Variants in ASIC2 observed in about 807,000 individuals in gnomAD.
ASIC2 encodes the protein acid sensing ion channel subunit 2.
Under a neutral mutation model 57.3 loss-of-function variants are expected in ASIC2, and 25 were observed. That is an observed-to-expected ratio of 0.44 (90% CI 0.32 to 0.61). The LOEUF (loss-of-function observed/expected upper bound fraction) is 0.61, where lower values mean the gene tolerates loss of function less well. Ranked by LOEUF, ASIC2 falls within the 20% of genes least tolerant of loss-of-function variation. The pLI, the probability that ASIC2 is intolerant of heterozygous loss-of-function variation, is 0.06. For missense variants in ASIC2, 641 were observed against 738.1 expected, an observed-to-expected ratio of 0.87 and a Z score of 1.52; for synonymous variants, 319 against 307.5, an observed-to-expected ratio of 1.04 and a Z score of -0.39.
At chr17:33,486,216 C>T (rs184943151) in intron 1 of ASIC2, among the ~76,000 whole-genome samples, 2 of 152,198 alleles carry the variant, frequency 1.3e-5, no homozygotes, top group South Asian at 2.1e-4. Context: ...CTGACACCTA[C>T]GGGTAGTGTT....
chr17:34,029,539 C>T (rs1191725368), intron 1 of ASIC2, among the ~76,000 whole-genome samples: 1 of 152,136 alleles, frequency 6.6e-6, no homozygotes, highest in Non-Finnish European at 1.5e-5. Flanking sequence ...ATGTTGAAGC[C>T]CTAACCCCCA....
At chr17:33,461,013 T>A (rs1912615678) in intron 1 of ASIC2, among the ~76,000 whole-genome samples, 1 of 152,198 alleles carries the variant, frequency 6.6e-6, no homozygotes, top group Non-Finnish European at 1.5e-5. Flanking sequence ...GCCCAGATGA[T>A]AATAGTCTGT....
At chr17:33,226,215 T>C (rs1292622192) in intron 1 of ASIC2, among the ~76,000 whole-genome samples, 4 of 152,186 alleles carry the variant, frequency 2.6e-5, no homozygotes, top group Non-Finnish European at 4.4e-5. Flanking sequence ...TGGTTTGTTA[T>C]TGGTTTTCAG....
intron 1 of ASIC2, among the ~76,000 whole-genome samples, chr17:33,621,509 A>G (rs1267846214): frequency 1.3e-5 from 2 of 152,178 alleles, no homozygotes; most frequent in African/African-American, 4.8e-5. Context: ...GTTCATCCTG[A>G]TAGGTGTATC....
chr17:33,410,433 G>T (rs1450933172), intron 1 of ASIC2, among the ~76,000 whole-genome samples: 1 of 152,154 alleles, frequency 6.6e-6, no homozygotes, highest in Non-Finnish European at 1.5e-5. Flanking sequence ...TCTTTGAATT[G>T]GGAAAAAAAT....
At chr17:34,144,966 C>T (rs73282501) in intron 1 of ASIC2, among the ~76,000 whole-genome samples, 1,870 of 152,294 alleles carry the variant, frequency 0.012, 47 homozygotes, top group African/African-American at 0.042. Context: ...GTCCATAAAC[C>T]TCTCAGTCTC....
rs182829944 is a variant in ASIC2 at position 33,433,985 on chromosome 17, G to A, written c.556-321918C>T. Among the ~76,000 whole-genome samples the A allele has an allele frequency of 1.7e-3, 265 of 152,030 alleles. 1 individual carries two copies. The highest frequency in any genetic ancestry group is 5.8e-3 in the African/African-American group (242 of 41,472). ...GGTAAGAGAAACAGAAGGTAAAAAGGAGAAAATTTTTAAAAATCAAAAAGA... is the reference window on the plus strand; with the variant it reads ...GGTAAGAGAAACAGAAGGTAAAAAGAAGAAAATTTTTAAAAATCAAAAAGA... On this transcript the variant is annotated intron_variant, in intron 1 of 9. Transcript: ENST00000359872.
rs200772052 is a variant in ASIC2 at position 33,366,198 on chromosome 17, AT to A, written c.556-254132del. 9.2e-3 allele frequency among the ~76,000 whole-genome samples: 1,401 copies of A among 152,354 alleles called. 25 individuals are homozygous for A. Among genetic ancestry groups the A allele is most frequent in the African/African-American group, 0.032 (1,331 of 41,572 alleles). ...AATTCATCATCATTGATTCTTAGAG[AT>A]GATCTTAGTAACTGTCAATTCACTG... On this transcript the variant is annotated intron_variant, in intron 1 of 9. Transcript: ENST00000359872.
At chr17:33,304,095 A>G (rs1239642468) in intron 1 of ASIC2, among the ~76,000 whole-genome samples, 4 of 152,242 alleles carry the variant, frequency 2.6e-5, no homozygotes, top group African/African-American at 9.6e-5. Flanking sequence ...AGGTCCAGTA[A>G]TAGAGGAATG....
intron 1 of ASIC2, among the ~76,000 whole-genome samples, chr17:33,799,431 T>TTTCTTTCTTCCTTCC (rs1912046521): frequency 4.4e-5 from 1 of 22,530 alleles, no homozygotes; most frequent in African/African-American, 1.3e-4. Context: ...TTCTTTCTTC[T>TTTCTTTCTTCCTTCC]TTCTTTCTTT....
intron 1 of ASIC2, among the ~76,000 whole-genome samples, chr17:33,729,066 T>C (rs1422605057): frequency 6.6e-6 from 1 of 152,146 alleles, no homozygotes; most frequent in Non-Finnish European, 1.5e-5. Flanking sequence ...TCAATTTTTG[T>C]GTCACTATGA....
intron 2 of ASIC2, among the ~76,000 whole-genome samples, chr17:33,090,358 G>A (rs1215425476): frequency 1.3e-5 from 2 of 152,170 alleles, no homozygotes; most frequent in African/African-American, 4.8e-5. Flanking sequence ...AGTATCCTGA[G>A]GCCAAGTTCT....
At chr17:33,102,855 C>T (rs900981059) in intron 2 of ASIC2, among the ~76,000 whole-genome samples, 1 of 152,192 alleles carries the variant, frequency 6.6e-6, no homozygotes, top group Non-Finnish European at 1.5e-5. Flanking sequence ...ATGATCTCGG[C>T]TCACTGCAAG....
intron 2 of ASIC2, among the ~76,000 whole-genome samples, chr17:33,109,383 G>C (rs2092247630): frequency 6.6e-6 from 1 of 152,170 alleles, no homozygotes; most frequent in Admixed American, 6.5e-5. Flanking sequence ...GGACAGCACT[G>C]ATCAGATTTT....
chr17:33,927,785 G>A (rs948709685), intron 1 of ASIC2, among the ~76,000 whole-genome samples: 9 of 152,050 alleles, frequency 5.9e-5, no homozygotes, highest in African/African-American at 1.4e-4. Flanking sequence ...AATCAGTTTC[G>A]CTGCTTTTAT....
intron 1 of ASIC2, among the ~76,000 whole-genome samples, chr17:33,670,272 A>G (rs888119564): frequency 1.3e-5 from 2 of 152,186 alleles, no homozygotes; most frequent in African/African-American, 2.4e-5. Context: ...TGCACCGTCA[A>G]ATGGGTGCTG....
At chr17:33,261,448 C>T (rs773366653) in intron 1 of ASIC2, among the ~76,000 whole-genome samples, 4 of 152,128 alleles carry the variant, frequency 2.6e-5, no homozygotes, top group Non-Finnish European at 4.4e-5. Context: ...CAAGGAAGCA[C>T]GGAACTATGC....
intron 1 of ASIC2, among the ~76,000 whole-genome samples, chr17:34,067,329 G>C (rs9901984): frequency 0.68 from 102,711 of 152,058 alleles, 35,633 homozygotes; most frequent in Middle Eastern, 0.78. Flanking sequence ...ATAGCTGATA[G>C]ATTTGTGAAA....
At chr17:33,297,577 C>A (rs1905768599), upstream of ASIC2, among the ~76,000 whole-genome samples, 1 of 152,092 alleles carries the variant, frequency 6.6e-6, no homozygotes, top group African/African-American at 2.4e-5. Flanking sequence ...TAATCCAGCA[C>A]TTTGGGAGGC....
Sources: gnomAD v4.1 joint callset for allele counts (sites outside exome capture counted in the v4.1 genomes callset) on GRCh38, gnomAD v4.1.1 for gene constraint, MANE v1.5 for transcripts, NCBI Gene and HGNC (gene_info 2026-07-23, HGNC 2026-07-21) for gene names.